Variants in TAB1 observed in about 807,000 individuals in gnomAD.
TAB1 encodes the protein TGF-beta activated kinase 1 (MAP3K7) binding protein 1.
In TAB1, 30 loss-of-function variants were observed where a neutral mutation model predicts 54.5. That is an observed-to-expected ratio of 0.55 (90% CI 0.41 to 0.75). The LOEUF is 0.75. Among genes scored for constraint, TAB1 ranks in the 30% least tolerant of loss-of-function variants. The pLI is 0.00. For synonymous variants in TAB1, 289 were observed against 286.9 expected, an observed-to-expected ratio of 1.01 and a Z score of -0.07; for missense variants, 609 against 683.2, an observed-to-expected ratio of 0.89 and a Z score of 1.21.
chr22:39,409,464 C>A (rs549056700), intron 1 of TAB1, among the ~76,000 whole-genome samples: 7 of 152,366 alleles, frequency 4.6e-5, no homozygotes, highest in South Asian at 4.1e-4. Flanking sequence ...TGCCCTCCCC[C>A]CCAGGCACAT....
At chr22:39,418,231 G>A (rs1926923649) in intron 5 of TAB1, among the ~76,000 whole-genome samples, 1 of 152,224 alleles carries the variant, frequency 6.6e-6, no homozygotes, top group Non-Finnish European at 1.5e-5. Flanking sequence ...TTTGTGAGAA[G>A]ACCAGACAGG....
At chr22:39,408,928 G>GTC (rs1445436444) in intron 1 of TAB1, among the ~76,000 whole-genome samples, 2 of 152,204 alleles carry the variant, frequency 1.3e-5, no homozygotes, top group African/African-American at 4.8e-5. Context: ...GCCTGTGTCT[G>GTC]TCCCTTATGG....
downstream of TAB1, chr22:39,432,955 A>G (rs188859797): frequency 1.4e-5 from 14 of 985,438 alleles, no homozygotes; most frequent in East Asian, 1.5e-3. Context: ...AGGAAAGTGA[A>G]TGGCACAGCG....
In TAB1 at chr22:39,415,067, C is replaced by T. The variant is rs1926763787; in HGVS notation, c.95C>T (p.Ala32Val). 6.2e-7 allele frequency: 1 copy of T among 1,613,750 alleles called. No individual in the cohort carries two copies. Among genetic ancestry groups the T allele is most frequent in the Admixed American group, 1.7e-5 (1 of 59,978 alleles). Residue 32 changes from alanine to valine, a missense_variant, in exon 2 of 11, where the codon GCC becomes GTC. Ala to Val is a moderately conservative substitution (Grantham distance 64, BLOSUM62 0). Coordinates refer to ENST00000216160, the MANE Select transcript of TAB1 (RefSeq NM_006116.3). The surrounding 1 kb of genome is among the most constrained non-coding windows in gnomAD (Gnocchi z 4.9). ...TGCCACCTCTCTGGGGTTGGCTCAG[C>T]CTCCAACCGCAGCTACTCTGCTGAT... is the stretch of plus-strand genomic sequence containing the variant. ...PLCHLSGVGS[A>V]SNRSYSADGK... is the part of the protein sequence containing the mutation.
chr22:39,425,631 T>A (rs1463566550), intron 8 of TAB1, among the ~76,000 whole-genome samples: 1 of 151,642 alleles, frequency 6.6e-6, no homozygotes, highest in Non-Finnish European at 1.5e-5. Flanking sequence ...CTGGGCTTAC[T>A]GATCACCTCC....
chr22:39,433,520 G>A (rs1369287446), downstream of TAB1: 36 of 985,308 alleles, frequency 3.7e-5, no homozygotes, highest in Non-Finnish European at 4.2e-5. Flanking sequence ...CGGAGGTCCT[G>A]GCCCTCAGAA....
chr22:39,434,556 G>A (rs1394393956), downstream of TAB1, among the ~76,000 whole-genome samples: 1 of 152,264 alleles, frequency 6.6e-6, no homozygotes, highest in African/African-American at 2.4e-5. Context: ...GTTCCCACGC[G>A]GAGGTGATGT....
intron 1 of TAB1, among the ~76,000 whole-genome samples, chr22:39,405,417 C>T (rs1177355666): frequency 6.6e-6 from 1 of 152,244 alleles, no homozygotes; most frequent in Non-Finnish European, 1.5e-5. Flanking sequence ...GTTCATTTCT[C>T]AGACATGGAA....
At chr22:39,416,676 C>G in intron 3 of TAB1, 115 bp from the exon 4 acceptor site, 1 of 978,420 alleles carries the variant, frequency 1.0e-6, no homozygotes, top group Non-Finnish European at 1.6e-6. Flanking sequence ...AGCTCCATCA[C>G]ACAAGAACCT....
chr22:39,427,813 C>T (rs947208109), intron 9 of TAB1, among the ~76,000 whole-genome samples: 3 of 152,154 alleles, frequency 2.0e-5, no homozygotes, highest in Admixed American at 1.3e-4. Flanking sequence ...GTTCTCAGCC[C>T]GGCCTGGAAG....
At chr22:39,409,449 T>C (rs1203995221) in intron 1 of TAB1, among the ~76,000 whole-genome samples, 1 of 152,250 alleles carries the variant, frequency 6.6e-6, no homozygotes, top group African/African-American at 2.4e-5. Flanking sequence ...CCAGAGGCCT[T>C]GCACTGCCCT....
At position 39,421,946 on chromosome 22, in the gene TAB1, CCCATG is replaced by C. The variant is rs1927109542; in HGVS notation, c.897_901del (p.His300AlafsTer13). On this transcript the variant is annotated frameshift_variant, in exon 8 of 11. Transcript: ENST00000216160. LOFTEE classifies it high-confidence loss of function. ...GGGTTGTACAAGGCCCTAGAGGCAG[CCCATG>C]GGCCTGGGCAGGCCAACCAGGTGAG... 2 of 1,591,038 alleles carry C rather than the reference CCCATG, an allele frequency of 1.3e-6. No homozygotes were observed. Among genetic ancestry groups the C allele is most frequent in the Non-Finnish European group, 8.5e-7 (1 of 1,170,192 alleles).
chr22:39,426,096 C>A (rs1927322436), intron 8 of TAB1, among the ~76,000 whole-genome samples: 1 of 152,132 alleles, frequency 6.6e-6, no homozygotes, highest in South Asian at 2.1e-4. Flanking sequence ...TGACCTCTGG[C>A]AGTCCTCCCA....
chr22:39,428,598 AG>A (rs1202809990), intron 10 of TAB1, among the ~76,000 whole-genome samples: 1 of 152,134 alleles, frequency 6.6e-6, no homozygotes, highest in African/African-American at 2.4e-5. Flanking sequence ...GTTTTGGGGC[AG>A]GGGGCGAGGT....
Position 39,421,038 on chromosome 22 carries a change from C to G in TAB1, c.777-789C>G, listed in dbSNP as rs991000369. On this transcript the variant is annotated intron_variant, in intron 7 of 10. Transcript: ENST00000216160. Reference sequence around the variant, plus strand: ...TGCCCCTCCCAGGTGCTGGTGTGTCCTGCCCCTCCCAGGTGCTGGTGTGTC... The same window carrying G: ...TGCCCCTCCCAGGTGCTGGTGTGTCGTGCCCCTCCCAGGTGCTGGTGTGTC... 2.3e-4 allele frequency among the ~76,000 whole-genome samples: 34 copies of G among 150,594 alleles called. 1 individual carries two copies. Among genetic ancestry groups the G allele is most frequent in the Non-Finnish European group, 4.3e-4 (29 of 67,636 alleles).
At chr22:39,419,682 G>C in intron 7 of TAB1, 52 bp downstream of exon 7, 1 of 1,356,000 alleles carries the variant, frequency 7.4e-7, no homozygotes, top group South Asian at 1.3e-5. Flanking sequence ...AAGGTCCTAG[G>C]GAGGCCAAGA....
downstream of TAB1, chr22:39,433,174 G>T: frequency 6.1e-6 from 6 of 985,406 alleles, no homozygotes; most frequent in African/African-American, 1.7e-5. Flanking sequence ...AGTCTCGGCC[G>T]GGCGCGGTGG....
rs145235801 is a variant in TAB1, at chr22:39,417,736, C to T, written c.437C>T (p.Pro146Leu). Residue 146 changes from proline to leucine, a missense_variant, in exon 5 of 11, where the codon CCT becomes CTT. Pro to Leu is a moderately conservative substitution (Grantham distance 98). Coordinates refer to ENST00000216160, the MANE Select transcript of TAB1 (RefSeq NM_006116.3). Reference protein sequence around the residue: ...PEGVPQHQLPPQYQKILERLK... With the variant: ...PEGVPQHQLPLQYQKILERLK... The stretch of plus-strand genomic sequence containing the variant: ...GGAGTCCCTCAGCACCAGCTGCCTC[C>T]TCAGTATCAGAAGATCCTTGAGAGA... 3.7e-4 allele frequency: 603 copies of T among 1,611,848 alleles called. 7 individuals carry two copies. The East Asian group carries it at 0.013, about 35-fold the overall frequency.
Position 39,431,553 on chromosome 22 carries a change from C to T in TAB1, c.*1331C>T. 2.0e-6 allele frequency: 2 copies of T among 985,484 alleles called. No homozygotes were observed. Among genetic ancestry groups the T allele is most frequent in the Non-Finnish European group, 2.4e-6 (2 of 829,964 alleles). The allele number at this position is 985,484 out of a possible 1,614,324, so 61.0% of individuals were successfully genotyped here. ...CTGGGGTGCTTGGTCTCTGCGAAGT[C>T]AAAGGCCTGACAGCTCTGTGGCCTG... On this transcript the variant is annotated 3_prime_UTR_variant, in exon 11 of 11. Coordinates refer to ENST00000216160, the MANE Select transcript of TAB1 (RefSeq NM_006116.3).
Sources: allele counts gnomAD v4.1 joint callset (sites outside exome capture counted in the v4.1 genomes callset), GRCh38; gene constraint gnomAD v4.1.1; non-coding constraint Gnocchi (gnomAD v3.1); transcripts MANE v1.5; gene names NCBI Gene and HGNC (gene_info 2026-07-23, HGNC 2026-07-21).